RBFOX1: variants seen among roughly 807,000 people sequenced by gnomAD.
RBFOX1 encodes RNA binding protein fox-1 homolog 1.
In RBFOX1, 8 loss-of-function variants were observed where a neutral mutation model predicts 57.7. That is an observed-to-expected ratio of 0.14 (90% CI 0.08 to 0.25). The LOEUF is 0.25. RBFOX1 is among the 10% of genes least tolerant of loss of function. RBFOX1 has a pLI of 1.00. For missense variants in RBFOX1, 611 were observed against 548.5 expected (o/e 1.11, Z -1.14); for synonymous variants, 326 against 222.4 (o/e 1.47, Z -4.15).
intron 4 of RBFOX1, among the ~76,000 whole-genome samples, chr16:7,187,506 A>C (rs370158369): frequency 6.6e-6 from 1 of 151,380 alleles, no homozygotes; most frequent in South Asian, 2.1e-4. Context: ...TGGCTAACAC[A>C]GTGAAACCCC....
At chr16:7,132,728 C>A (rs149936368) in intron 4 of RBFOX1, among the ~76,000 whole-genome samples, 82 of 152,004 alleles carry the variant, frequency 5.4e-4, no homozygotes, top group African/African-American at 1.9e-3. Context: ...ATCAACCAGT[C>A]ACAAGAAGAC....
chr16:6,063,096 G>A (rs1176442976), intron 1 of RBFOX1, among the ~76,000 whole-genome samples: 3 of 152,214 alleles, frequency 2.0e-5, no homozygotes, highest in East Asian at 1.9e-4. Context: ...ACAGAAACAC[G>A]TAGATGAATG....
At chr16:7,457,236 G>T (rs1187239675) in intron 4 of RBFOX1, among the ~76,000 whole-genome samples, 1 of 152,046 alleles carries the variant, frequency 6.6e-6, no homozygotes, top group Non-Finnish European at 1.5e-5. Context: ...AATGCAAGCA[G>T]TGGCTCCAGA....
chr16:5,364,115 C>G (rs946357718), intron 1 of RBFOX1, among the ~76,000 whole-genome samples: 2 of 152,212 alleles, frequency 1.3e-5, no homozygotes, highest in Admixed American at 1.3e-4. Context: ...AGGAAGGTGT[C>G]AAAGGAGGTT....
intron 4 of RBFOX1, among the ~76,000 whole-genome samples, chr16:7,233,301 A>T (rs968265606): frequency 3.9e-5 from 6 of 152,010 alleles, no homozygotes; most frequent in African/African-American, 1.4e-4. Context: ...CACCTCTTCA[A>T]AGACCTTTTC....
chr16:6,920,148 T>C (rs923792548), intron 3 of RBFOX1, among the ~76,000 whole-genome samples: 5 of 152,192 alleles, frequency 3.3e-5, no homozygotes, highest in African/African-American at 4.8e-5. Flanking sequence ...TATTCTATGG[T>C]GTAGGTGTAT....
chr16:5,620,792 C>T (rs1008056537), intron 3 of RBFOX1, among the ~76,000 whole-genome samples: 2 of 152,172 alleles, frequency 1.3e-5, no homozygotes, highest in African/African-American at 4.8e-5. Context: ...GATCCTCCCA[C>T]CTCAGCTGCT....
intron 3 of RBFOX1, among the ~76,000 whole-genome samples, chr16:5,769,091 C>A (rs534433754): frequency 2.0e-5 from 3 of 151,902 alleles, no homozygotes; most frequent in Non-Finnish European, 2.9e-5. Flanking sequence ...AAAAAAGAGT[C>A]AATTAAATAT....
chr16:5,373,344 G>C (rs1376441521), intron 1 of RBFOX1, among the ~76,000 whole-genome samples: 1 of 152,142 alleles, frequency 6.6e-6, no homozygotes, highest in African/African-American at 2.4e-5. Context: ...TTGGAGGAGG[G>C]ACCCGGTGGG....
chr16:7,509,809 C>G (rs996432800), intron 4 of RBFOX1, among the ~76,000 whole-genome samples: 8 of 152,120 alleles, frequency 5.3e-5, no homozygotes, highest in Admixed American at 3.3e-4. Flanking sequence ...GCCCTCCCCT[C>G]TTAAGAAAAA....
chr16:6,880,700 C>T (rs576277292), intron 3 of RBFOX1, among the ~76,000 whole-genome samples: 15 of 152,150 alleles, frequency 9.9e-5, no homozygotes, highest in Non-Finnish European at 1.3e-4. Context: ...GTATGATGTT[C>T]CAGAGTCAGT....
chr16:7,464,663 C>A (rs559043555), intron 4 of RBFOX1, among the ~76,000 whole-genome samples: 2 of 150,786 alleles, frequency 1.3e-5, no homozygotes, highest in African/African-American at 4.9e-5. Context: ...CCCTCCCCGC[C>A]CGAAATACTT....
chr16:7,578,199 C>A (rs2093481008), intron 5 of RBFOX1, among the ~76,000 whole-genome samples: 2 of 152,178 alleles, frequency 1.3e-5, no homozygotes, highest in South Asian at 4.1e-4. Flanking sequence ...CAAGTTAGCA[C>A]ACATTAATCA....
chr16:6,215,022 T>G (rs1359414842), intron 1 of RBFOX1, among the ~76,000 whole-genome samples: 142 of 51,212 alleles, frequency 2.8e-3, no homozygotes, highest in Admixed American at 4.9e-3. Context: ...AGGGGAGAGG[T>G]AAAAGGAAAT....
intron 1 of RBFOX1, among the ~76,000 whole-genome samples, chr16:6,302,384 T>A (rs921071112): frequency 6.6e-6 from 1 of 152,218 alleles, no homozygotes; most frequent in Admixed American, 6.5e-5. Flanking sequence ...AATGGCTTGG[T>A]TGTTCTTTGC....
At chr16:7,344,522 A>G (rs536611815) in intron 4 of RBFOX1, among the ~76,000 whole-genome samples, 2 of 151,036 alleles carry the variant, frequency 1.3e-5, no homozygotes, top group East Asian at 3.9e-4. Context: ...TGATTAGATG[A>G]CACATATCAT....
At position 5,450,143 on chromosome 16, in the gene RBFOX1, C is replaced by A. The variant is rs150178993; in HGVS notation, c.220-17073C>A. Among the ~76,000 whole-genome samples, 351 of 152,266 alleles carry A rather than the reference C, an allele frequency of 2.3e-3. 3 individuals carry two copies. Among genetic ancestry groups the A allele is most frequent in the African/African-American group, 7.8e-3 (326 of 41,542 alleles). ...AGGGTTGGGCAGGAGAGGTGGCATG[C>A]CCAAAGTCTCTCTCACAGGCAGGAT... is the stretch of plus-strand genomic sequence containing the variant. On this transcript the variant is annotated intron_variant, in intron 1 of 2. Coordinates refer to the RBFOX1 transcript ENST00000585867.
chr16:6,217,138 A>G (rs943610217), intron 1 of RBFOX1, among the ~76,000 whole-genome samples: 6 of 144,800 alleles, frequency 4.1e-5, no homozygotes, highest in African/African-American at 1.0e-4. Context: ...ACCTCTGTGT[A>G]TGAGGGTAGC....
At chr16:6,809,466 C>T (rs779100682) in intron 3 of RBFOX1, among the ~76,000 whole-genome samples, 7 of 152,090 alleles carry the variant, frequency 4.6e-5, no homozygotes, top group Admixed American at 4.6e-4. Flanking sequence ...ACCTGAGATA[C>T]AAAAATATTA....
Sources: allele counts gnomAD v4.1 joint callset (sites outside exome capture counted in the v4.1 genomes callset), GRCh38; gene constraint gnomAD v4.1.1; transcripts MANE v1.5; gene names NCBI Gene and HGNC (gene_info 2026-07-23, HGNC 2026-07-21).